GRM7: variants seen among roughly 807,000 people sequenced by gnomAD.
GRM7 encodes glutamate metabotropic receptor 7.
A neutral mutation model predicts 84.5 loss-of-function variants in GRM7; 35 were observed. The observed-to-expected ratio is 0.41, with a 90% CI of 0.32 to 0.55. The LOEUF (loss-of-function observed/expected upper bound fraction) is 0.55, where lower values mean the gene tolerates loss of function less well. GRM7 is among the 20% of genes least tolerant of loss of function. The pLI, the probability that GRM7 is intolerant of heterozygous loss-of-function variation, is 0.19. For missense variants in GRM7, 1,003 were observed against 1,194.6 expected (o/e 0.84, Z 2.36); for synonymous variants, 487 against 455.1 (o/e 1.07, Z -0.89).
intron 7 of GRM7, among the ~76,000 whole-genome samples, chr3:7,501,036 C>T (rs1156953720): frequency 6.6e-6 from 1 of 152,170 alleles, no homozygotes; most frequent in Non-Finnish European, 1.5e-5. Context: ...TTTTATTGCA[C>T]AGTATCAATG....
intron 1 of GRM7, among the ~76,000 whole-genome samples, chr3:7,123,643 T>G (rs913152291): frequency 1.3e-5 from 2 of 151,618 alleles, no homozygotes; most frequent in African/African-American, 2.4e-5. Context: ...AAAAGTGGGA[T>G]GCATTGTTCA....
chr3:7,099,258 T>A lies in GRM7; in HGVS notation c.520-47194T>A, dbSNP rs554737118. 4.0e-3 allele frequency among the ~76,000 whole-genome samples: 534 copies of A among 134,750 alleles called. 3 individuals are homozygous for A. The highest frequency in any genetic ancestry group is 0.02 in the Middle Eastern group (5 of 254). 88.4% of individuals were successfully genotyped at this position (134,750 alleles called of 152,430 possible). On this transcript the variant is annotated intron_variant, in intron 1 of 9. Coordinates refer to ENST00000357716, the MANE Select transcript of GRM7 (RefSeq NM_000844.4). ...TACATGTATATATGAATACATGTATTATACATGTATATATGAATACATGTA... is the reference window on the plus strand; with the variant it reads ...TACATGTATATATGAATACATGTATAATACATGTATATATGAATACATGTA...
chr3:7,446,049 T>A (rs533686419), intron 5 of GRM7, among the ~76,000 whole-genome samples: 2 of 152,334 alleles, frequency 1.3e-5, no homozygotes, highest in South Asian at 4.1e-4. Context: ...GAAGCATTTA[T>A]CACTTACAAT....
chr3:7,503,717 C>T (rs758399715), intron 7 of GRM7, among the ~76,000 whole-genome samples: 8 of 152,062 alleles, frequency 5.3e-5, no homozygotes, highest in Non-Finnish European at 1.2e-4. Context: ...TTTTTTAAAT[C>T]CTCTGAAGTC....
At chr3:7,218,200 T>C (rs1440376335) in intron 2 of GRM7, among the ~76,000 whole-genome samples, 1 of 152,128 alleles carries the variant, frequency 6.6e-6, no homozygotes, top group East Asian at 1.9e-4. Context: ...TGTGTAAATA[T>C]TTCGTACATA....
At chr3:7,560,103 C>T (rs535392553) in intron 7 of GRM7, among the ~76,000 whole-genome samples, 1 of 152,208 alleles carries the variant, frequency 6.6e-6, no homozygotes, top group South Asian at 2.1e-4. Context: ...TACTATCAGG[C>T]TTTACCCTTA....
intron 1 of GRM7, among the ~76,000 whole-genome samples, chr3:7,090,965 G>A (rs1174486529): frequency 6.6e-6 from 1 of 152,138 alleles, no homozygotes; most frequent in Non-Finnish European, 1.5e-5. Context: ...AAATAGAATA[G>A]AGAAGACATG....
intron 4 of GRM7, among the ~76,000 whole-genome samples, chr3:7,351,650 C>G (rs1693154032): frequency 6.6e-6 from 1 of 152,068 alleles, no homozygotes; most frequent in African/African-American, 2.4e-5. Context: ...ACAAAGCAGG[C>G]AGAAGAAGTG....
At chr3:7,306,771 A>T (rs1700208251) in intron 4 of GRM7, 119 bp downstream of exon 4, 10 of 772,454 alleles carry the variant, frequency 1.3e-5, no homozygotes. Flanking sequence ...GGTTGTTTCA[A>T]ACTTATAGCC....
chr3:7,653,042 C>T lies in GRM7; in HGVS notation c.2452-27007C>T, dbSNP rs527575981. 3.9e-5 allele frequency among the ~76,000 whole-genome samples: 6 copies of T among 152,210 alleles called. No homozygotes were observed. The East Asian group carries it at 7.8e-4, about 20-fold the overall frequency. On this transcript the variant is annotated intron_variant, in intron 8 of 9. Transcript: ENST00000357716. ...CGCCTGGCTAACAATCTCACCGCCA[C>T]ATCATTGCTCACATTTCCCCTTTGC... is the stretch of plus-strand genomic sequence containing the variant.
intron 9 of GRM7, among the ~76,000 whole-genome samples, chr3:7,698,845 A>G (rs916506242): frequency 1.3e-5 from 2 of 152,188 alleles, no homozygotes; most frequent in Non-Finnish European, 2.9e-5. Context: ...AGCAGAAAAA[A>G]CAACTAGAAC....
At chr3:7,125,480 A>T (rs1182882522) in intron 1 of GRM7, among the ~76,000 whole-genome samples, 2 of 152,344 alleles carry the variant, frequency 1.3e-5, no homozygotes, top group African/African-American at 2.4e-5. Flanking sequence ...TCTGAGATTT[A>T]AAAAAATCCC....
At chr3:6,895,247 A>G (rs1696133382) in intron 1 of GRM7, among the ~76,000 whole-genome samples, 1 of 152,176 alleles carries the variant, frequency 6.6e-6, no homozygotes, top group Non-Finnish European at 1.5e-5. Context: ...GTGTCGCCTC[A>G]GTGGATCCCT....
intron 4 of GRM7, among the ~76,000 whole-genome samples, chr3:7,313,034 T>G (rs546966387): frequency 6.6e-6 from 1 of 151,598 alleles, no homozygotes; most frequent in Non-Finnish European, 1.5e-5. Flanking sequence ...GTTCAAACAA[T>G]TCTTCTACCT....
intron 1 of GRM7, among the ~76,000 whole-genome samples, chr3:7,091,616 GA>G (rs1335000464): frequency 6.6e-6 from 1 of 151,420 alleles, no homozygotes; most frequent in Non-Finnish European, 1.5e-5. Flanking sequence ...CAGGAGGAGA[GA>G]TGCTGTAGTG....
intron 1 of GRM7, among the ~76,000 whole-genome samples, chr3:7,067,547 C>T (rs944220460): frequency 1.3e-5 from 2 of 152,022 alleles, no homozygotes; most frequent in Non-Finnish European, 2.9e-5. Context: ...AATGGAAACA[C>T]ATCCCATGCT....
At chr3:7,207,899 C>CGTGAAAGTG (rs1696291342) in intron 2 of GRM7, among the ~76,000 whole-genome samples, 1 of 152,076 alleles carries the variant, frequency 6.6e-6, no homozygotes, top group African/African-American at 2.4e-5. Flanking sequence ...TAATTATAAC[C>CGTGAAAGTG]GTGAAAGTGG....
At chr3:7,388,644 G>A (rs2125137995) in intron 4 of GRM7, among the ~76,000 whole-genome samples, 1 of 151,960 alleles carries the variant, frequency 6.6e-6, no homozygotes, top group African/African-American at 2.4e-5. Context: ...CGGGATTTCT[G>A]TTTATTCCTG....
At chr3:7,329,828 C>T (rs952659947) in intron 4 of GRM7, among the ~76,000 whole-genome samples, 5 of 152,014 alleles carry the variant, frequency 3.3e-5, no homozygotes, top group African/African-American at 9.7e-5. Context: ...ATATGCATAA[C>T]ATATATGCAT....
Sources: allele counts gnomAD v4.1 joint callset (sites outside exome capture counted in the v4.1 genomes callset), GRCh38; gene constraint gnomAD v4.1.1; transcripts MANE v1.5; gene names NCBI Gene and HGNC (gene_info 2026-07-23, HGNC 2026-07-21).